Variants in RNF150 observed in about 807,000 individuals in gnomAD.
The protein encoded by RNF150 is ring finger protein 150.
A neutral mutation model predicts 39.3 loss-of-function variants in RNF150; 24 were observed. That is an observed-to-expected ratio of 0.61 (90% CI 0.44 to 0.86). The LOEUF (loss-of-function observed/expected upper bound fraction) is 0.86, where lower values mean the gene tolerates loss of function less well. RNF150 is among the 40% of genes least tolerant of loss of function. RNF150 has a pLI of 0.00. For synonymous variants in RNF150, 255 were observed against 227.3 expected (o/e 1.12, Z -1.10); for missense variants, 502 against 587.8 (o/e 0.85, Z 1.51).
At chr4:140,963,354 G>A (rs1184032046) in intron 2 of RNF150, among the ~76,000 whole-genome samples, 1 of 151,952 alleles carries the variant, frequency 6.6e-6, no homozygotes, top group Non-Finnish European at 1.5e-5. Context: ...TAAAATGCTC[G>A]AGTGCAGTGT....
intron 1 of RNF150, among the ~76,000 whole-genome samples, chr4:141,109,261 T>C (rs1236637698): frequency 1.3e-5 from 2 of 152,122 alleles, no homozygotes; most frequent in Non-Finnish European, 2.9e-5. Flanking sequence ...ATTCCAAATG[T>C]GGTGAGAGGT....
chr4:140,912,430 T>G (rs1487895978), intron 5 of RNF150, among the ~76,000 whole-genome samples: 1 of 152,190 alleles, frequency 6.6e-6, no homozygotes. Flanking sequence ...ACTCCCAAAG[T>G]AGGCAGAACA....
chr4:141,102,698 A>G (rs1739055635), intron 1 of RNF150, among the ~76,000 whole-genome samples: 1 of 151,586 alleles, frequency 6.6e-6, no homozygotes, highest in Non-Finnish European at 1.5e-5. Flanking sequence ...ATAATTCACA[A>G]GGGCGGGCTT....
intron 1 of RNF150, among the ~76,000 whole-genome samples, chr4:141,046,968 A>C (rs1736601282): frequency 6.6e-6 from 1 of 152,168 alleles, no homozygotes; most frequent in Admixed American, 6.5e-5. Flanking sequence ...GAAAAAAATA[A>C]ATGCTCAAAC....
chr4:141,006,556 C>T lies in RNF150; in HGVS notation c.485-38683G>A, dbSNP rs1456253629. ...TAAGACACAGTTGAACTGGACAGGG[C>T]TGATTAAGCAATAGACGCTTGTTTT... On this transcript the variant is annotated intron_variant, in intron 1 of 6. Transcript: ENST00000515673. 2.0e-5 allele frequency among the ~76,000 whole-genome samples: 3 copies of T among 152,254 alleles called. No homozygotes were observed. The East Asian group carries it at 5.8e-4, about 29-fold the overall frequency.
intron 6 of RNF150, among the ~76,000 whole-genome samples, chr4:140,907,917 C>A (rs1730451142): frequency 6.6e-6 from 1 of 152,112 alleles, no homozygotes; most frequent in African/African-American, 2.4e-5. Context: ...TAAAAGGGTG[C>A]CTGGTATGTA....
chr4:140,941,272 T>C (rs534495469), intron 4 of RNF150, among the ~76,000 whole-genome samples: 1 of 152,266 alleles, frequency 6.6e-6, no homozygotes, highest in African/African-American at 2.4e-5. Flanking sequence ...ACATGAATTA[T>C]CCTGGTGAGT....
At chr4:140,942,417 C>T (rs867093779) in intron 4 of RNF150, among the ~76,000 whole-genome samples, 4 of 152,162 alleles carry the variant, frequency 2.6e-5, no homozygotes, top group Admixed American at 6.5e-5. Flanking sequence ...AGCAGTGCAA[C>T]GCTTTTCCAC....
chr4:140,884,688 G>GT (rs1343343072), intron 6 of RNF150, among the ~76,000 whole-genome samples: 2 of 151,672 alleles, frequency 1.3e-5, no homozygotes, highest in Non-Finnish European at 2.9e-5. Flanking sequence ...CATCACTTTT[G>GT]TTTTTTTTGG....
intron 2 of RNF150, among the ~76,000 whole-genome samples, chr4:140,966,746 G>T (rs897655416): frequency 2.6e-5 from 4 of 152,128 alleles, no homozygotes; most frequent in Non-Finnish European, 5.9e-5. Context: ...GTGTAAATTG[G>T]TTCAACATTT....
chr4:140,924,127 A>G (rs945153449), intron 5 of RNF150, among the ~76,000 whole-genome samples: 4 of 152,208 alleles, frequency 2.6e-5, no homozygotes, highest in African/African-American at 9.6e-5. Context: ...ATAATTAAAA[A>G]AAAATCTTTA....
At position 141,132,235 on chromosome 4, in the gene RNF150, C is replaced by T. The variant is rs1726912621; in HGVS notation, c.484+90G>A. 7.2e-7 allele frequency: 1 copy of T among 1,388,860 alleles called. No homozygotes were observed. Among genetic ancestry groups the T allele is most frequent in the Non-Finnish European group, 9.8e-7 (1 of 1,017,272 alleles). 86.0% of individuals were successfully genotyped at this position (1,388,860 alleles called of 1,614,324 possible). A position where few individuals can be genotyped will look rare whatever the true frequency, so the allele number is the denominator to read the frequency against. ...CACGTCTTCCGCGCCGCACGGACTTCCCAGAAGGAGCCTGGAGGCAGGCGC... is the reference window on the plus strand; with the variant it reads ...CACGTCTTCCGCGCCGCACGGACTTTCCAGAAGGAGCCTGGAGGCAGGCGC... On this transcript the variant is annotated intron_variant, in intron 1 of 6. Coordinates refer to ENST00000515673, the MANE Select transcript of RNF150 (RefSeq NM_020724.2). The surrounding 1 kb of genome is among the most constrained non-coding windows in gnomAD (Gnocchi z 4.9).
rs560115385 is a variant in RNF150, at chr4:140,875,293, T to C, written c.1199-6914A>G. ...AAGCAAGCTTCTCACTTCAGCCTTC[T>C]AAGTAGCTGGGGCTACCTATTGGCA... On this transcript the variant is annotated intron_variant, in intron 6 of 6. Coordinates refer to ENST00000515673, the MANE Select transcript of RNF150 (RefSeq NM_020724.2). Among the ~76,000 whole-genome samples the C allele has an allele frequency of 9.2e-5, 14 of 152,012 alleles. No homozygotes were observed. The South Asian group carries it at 2.9e-3, about 32-fold the overall frequency.
In RNF150 at chr4:140,993,937, T is replaced by C. The variant is rs114954314; in HGVS notation, c.485-26064A>G. ...CAGGAAGGATGGGGGACCTGGTACATTGTGGCATGAAACAAAGTTGCGTTT... is the reference window on the plus strand; with the variant it reads ...CAGGAAGGATGGGGGACCTGGTACACTGTGGCATGAAACAAAGTTGCGTTT... On this transcript the variant is annotated intron_variant, in intron 1 of 6. Transcript: ENST00000515673. Among the ~76,000 whole-genome samples, 528 of 152,304 alleles carry C rather than the reference T, an allele frequency of 3.5e-3. 3 individuals are homozygous for C. The highest frequency in any genetic ancestry group is 0.012 in the African/African-American group (484 of 41,558).
chr4:140,921,294 C>T (rs1473673142), intron 5 of RNF150, among the ~76,000 whole-genome samples: 6 of 151,262 alleles, frequency 4.0e-5, no homozygotes, highest in Non-Finnish European at 7.4e-5. Context: ...ATATCACCAC[C>T]GATCCCACAG....
intron 1 of RNF150, among the ~76,000 whole-genome samples, chr4:141,056,115 T>C (rs1204339007): frequency 6.6e-6 from 1 of 152,210 alleles, no homozygotes; most frequent in Non-Finnish European, 1.5e-5. Context: ...TTTATTATAT[T>C]CCTATTTTAA....
chr4:141,119,070 C>A (rs539984225), intron 1 of RNF150, among the ~76,000 whole-genome samples: 6 of 152,128 alleles, frequency 3.9e-5, no homozygotes, highest in Non-Finnish European at 7.4e-5. Flanking sequence ...CATATACACA[C>A]GAGATTAAAT....
At chr4:141,183,022 C>T (rs567163875) in intron 1 of RNF150, among the ~76,000 whole-genome samples, 20 of 152,076 alleles carry the variant, frequency 1.3e-4, no homozygotes, top group Non-Finnish European at 2.8e-4. Flanking sequence ...AGCACTTAGA[C>T]GTGGGTCTTA....
intron 1 of RNF150, among the ~76,000 whole-genome samples, chr4:141,049,887 G>C (rs1203448141): frequency 6.6e-6 from 1 of 152,014 alleles, no homozygotes; most frequent in Non-Finnish European, 1.5e-5. Context: ...AAAGATAAAT[G>C]TGATAAGGAA....
Sources: allele counts gnomAD v4.1 joint callset (sites outside exome capture counted in the v4.1 genomes callset), GRCh38; gene constraint gnomAD v4.1.1; non-coding constraint Gnocchi (gnomAD v3.1); transcripts MANE v1.5; gene names NCBI Gene and HGNC (gene_info 2026-07-23, HGNC 2026-07-21).